LDB2: variants seen among roughly 807,000 people sequenced by gnomAD.
The protein encoded by LDB2 is LIM domain binding 2, also known as LIM domain-binding protein 2.
In LDB2, 12 loss-of-function variants were observed where a neutral mutation model predicts 44.3. The ratio of observed to expected loss-of-function variants is 0.27; its 90% CI spans 0.17 to 0.44. LDB2 has a LOEUF of 0.44. LDB2 is among the 20% of genes least tolerant of loss of function. The pLI is 1.00. For missense variants in LDB2, 344 were observed against 473.5 expected (o/e 0.73, Z 2.54); for synonymous variants, 164 against 174.8 (o/e 0.94, Z 0.49).
chr4:16,659,800 G>A (rs1741045513), intron 2 of LDB2, among the ~76,000 whole-genome samples: 1 of 151,880 alleles, frequency 6.6e-6, no homozygotes, highest in African/African-American at 2.4e-5. Flanking sequence ...TACCACAATA[G>A]GAGTCATGTG....
intron 2 of LDB2, among the ~76,000 whole-genome samples, chr4:16,704,537 C>T (rs1578921987): frequency 6.6e-6 from 1 of 152,190 alleles, no homozygotes; most frequent in East Asian, 1.9e-4. Context: ...ACACCCACAC[C>T]TGCTCTGTAT....
intron 1 of LDB2, among the ~76,000 whole-genome samples, chr4:16,761,974 A>C: frequency 6.6e-6 from 1 of 152,266 alleles, no homozygotes; most frequent in East Asian, 1.9e-4. Context: ...TGAAACCCAC[A>C]CTCTGCTAAA....
chr4:16,822,268 G>C (rs1380113031), intron 1 of LDB2, among the ~76,000 whole-genome samples: 1 of 152,150 alleles, frequency 6.6e-6, no homozygotes, highest in African/African-American at 2.4e-5. Context: ...TAGTAGGTAG[G>C]CTAATAGACC....
intron 5 of LDB2, among the ~76,000 whole-genome samples, chr4:16,542,103 G>GC (rs952122596): frequency 2.1e-5 from 3 of 145,068 alleles, no homozygotes; most frequent in Admixed American, 6.8e-5. Flanking sequence ...TCAGGTGGTG[G>GC]GGGGGGGGGC....
intron 1 of LDB2, among the ~76,000 whole-genome samples, chr4:16,861,271 C>T (rs1712449908): frequency 6.6e-6 from 1 of 152,162 alleles, no homozygotes; most frequent in Non-Finnish European, 1.5e-5. Context: ...TGAATCACTG[C>T]AGGTCAGGGT....
chr4:16,611,539 G>GA (rs35701667), intron 2 of LDB2, among the ~76,000 whole-genome samples: 144,778 of 146,096 alleles, frequency 0.99, 71,742 homozygotes, highest in East Asian at 1. Context: ...CAAATGGAAA[G>GA]AAAAAAAAAA....
chr4:16,546,612 A>C (rs781686979), intron 5 of LDB2, among the ~76,000 whole-genome samples: 32 of 152,192 alleles, frequency 2.1e-4, no homozygotes, highest in Non-Finnish European at 3.7e-4. Flanking sequence ...ACTGGCCACC[A>C]GGGTCTTCAG....
intron 1 of LDB2, among the ~76,000 whole-genome samples, chr4:16,823,494 C>A (rs1049643035): frequency 1.3e-5 from 2 of 152,104 alleles, no homozygotes; most frequent in African/African-American, 4.8e-5. Flanking sequence ...GTTTTAAGTA[C>A]ATTTTTTTTT....
rs1292668101 is a variant in LDB2, at chr4:16,621,561, C to CT, written c.236-25687dup. Among the ~76,000 whole-genome samples the CT allele has an allele frequency of 7.9e-5, 12 of 152,046 alleles. No individual in the cohort carries two copies. In the East Asian group the frequency reaches 1.2e-3, roughly 15 times the overall value. On this transcript the variant is annotated intron_variant, in intron 2 of 7. Coordinates refer to ENST00000304523, the MANE Select transcript of LDB2 (RefSeq NM_001290.5). ...ACTTATTTATTTTAATTTAATTTTA[C>CT]TTTTTTTCAGAGACAGGGTCTTGCT...
intron 2 of LDB2, among the ~76,000 whole-genome samples, chr4:16,608,601 G>C (rs1466259428): frequency 6.6e-6 from 1 of 152,180 alleles, no homozygotes; most frequent in Non-Finnish European, 1.5e-5. Flanking sequence ...AGGTGCCAAT[G>C]CTTACAGCAG....
intron 1 of LDB2, among the ~76,000 whole-genome samples, chr4:16,846,178 C>T (rs1397264618): frequency 1.3e-5 from 2 of 151,878 alleles, no homozygotes; most frequent in Non-Finnish European, 2.9e-5. Context: ...CATCTGATCT[C>T]AACTCTCAGA....
chr4:16,682,430 A>G (rs1344004534), intron 2 of LDB2, among the ~76,000 whole-genome samples: 1 of 152,194 alleles, frequency 6.6e-6, no homozygotes, highest in African/African-American at 2.4e-5. Flanking sequence ...GCCTCCTCAC[A>G]GCCCACTGAG....
intron 1 of LDB2, among the ~76,000 whole-genome samples, chr4:16,866,791 G>A (rs1714850294): frequency 1.3e-5 from 2 of 152,178 alleles, no homozygotes; most frequent in South Asian, 2.1e-4. Flanking sequence ...GTATTAATCA[G>A]ATCTTAAAAT....
At chr4:16,888,612 G>T (rs773715741) in intron 1 of LDB2, 2 of 508,758 alleles carry the variant, frequency 3.9e-6, no homozygotes, top group East Asian at 1.5e-4. Flanking sequence ...GCTAGTGCAG[G>T]CATGTAAAAA....
At position 16,552,354 on chromosome 4, in the gene LDB2, T is replaced by A. The variant is rs76999196; in HGVS notation, c.615+33568A>T. On this transcript the variant is annotated intron_variant, in intron 5 of 7. Coordinates refer to ENST00000304523, the MANE Select transcript of LDB2 (RefSeq NM_001290.5). ...TTTTATCTTATTGAGAATGTTCCCA[T>A]TTTTAAACTAATGCTCTGAATTATA... is the stretch of plus-strand genomic sequence containing the variant. 9.6e-3 allele frequency among the ~76,000 whole-genome samples: 1,468 copies of A among 152,330 alleles called. 24 individuals carry two copies. The highest frequency in any genetic ancestry group is 0.034 in the African/African-American group (1,397 of 41,580).
At chr4:16,847,720 C>G (rs1349188340) in intron 1 of LDB2, among the ~76,000 whole-genome samples, 2 of 152,154 alleles carry the variant, frequency 1.3e-5, no homozygotes, top group Non-Finnish European at 2.9e-5. Context: ...GGGTTCACAC[C>G]ATTCTCCTGC....
At chr4:16,858,118 G>A (rs901450413) in intron 1 of LDB2, among the ~76,000 whole-genome samples, 17 of 152,046 alleles carry the variant, frequency 1.1e-4, no homozygotes, top group Non-Finnish European at 1.9e-4. Flanking sequence ...CTTTGCCTGC[G>A]TTATCTCACA....
At chr4:16,612,766 C>T (rs114739500) in intron 2 of LDB2, among the ~76,000 whole-genome samples, 3,876 of 152,198 alleles carry the variant, frequency 0.025, 79 homozygotes, top group South Asian at 0.045. Context: ...TGAATTGTAC[C>T]GGAAATACAA....
intron 1 of LDB2, among the ~76,000 whole-genome samples, chr4:16,810,577 A>G (rs1872001): frequency 0.28 from 7,510 of 26,876 alleles, 414 homozygotes; most frequent in Middle Eastern, 0.55. Flanking sequence ...GTTTTCAGAG[A>G]GGTTCATGGA....
Sources: gnomAD v4.1 joint callset for allele counts (sites outside exome capture counted in the v4.1 genomes callset) on GRCh38, gnomAD v4.1.1 for gene constraint, MANE v1.5 for transcripts, NCBI Gene and HGNC (gene_info 2026-07-23, HGNC 2026-07-21) for gene names.